The following TSPAN2 variants were observed in gnomAD, a reference collection of about 807,000 sequenced individuals.
The protein encoded by TSPAN2 is tetraspanin 2.
In TSPAN2, 24 loss-of-function variants were observed where a neutral mutation model predicts 33.3. The observed-to-expected ratio is 0.72, with a 90% confidence interval of 0.52 to 1.01. TSPAN2 has a LOEUF of 1.01. Among genes scored for constraint, TSPAN2 ranks in the 50% least tolerant of loss-of-function variants. The pLI is 0.00. For missense variants in TSPAN2, 278 were observed against 281.3 expected, an observed-to-expected ratio of 0.99 and a Z score of 0.08; for synonymous variants, 114 against 104.5, an observed-to-expected ratio of 1.09 and a Z score of -0.56.
intron 6 of TSPAN2, among the ~76,000 whole-genome samples, chr1:115,056,389 C>G (rs1385233741): frequency 3.3e-5 from 5 of 152,176 alleles, no homozygotes; most frequent in African/African-American, 1.2e-4. Flanking sequence ...TCCCTCACAG[C>G]ACGTCACCAG....
intron 4 of TSPAN2, among the ~76,000 whole-genome samples, 180 bp downstream of exon 4, chr1:115,060,284 T>G (rs981240890): frequency 3.9e-5 from 6 of 152,154 alleles, no homozygotes; most frequent in African/African-American, 1.4e-4. Flanking sequence ...AATGTGAGCA[T>G]GTATATATGC....
chr1:115,049,448 G>T lies in TSPAN2; in HGVS notation c.*1042C>A, dbSNP rs939181694. On this transcript the variant is annotated 3_prime_UTR_variant, in exon 8 of 8. Transcript: ENST00000369516. ...AAAACTGTAGTTCTTAATCTATGAA[G>T]AATTCTCTAGGTGGCTATACAAGAA... 3.3e-5 allele frequency: 5 copies of T among 152,608 alleles called. No homozygotes were observed. In the East Asian group the frequency reaches 9.6e-4, roughly 29 times the overall value. 9.5% of individuals were successfully genotyped at this position (152,608 alleles called of 1,614,324 possible). A position where few individuals can be genotyped will look rare whatever the true frequency, so the allele number is the denominator to read the frequency against.
intron 5 of TSPAN2, 104 bp from the exon 6 acceptor site, chr1:115,057,712 C>T (rs886225417): frequency 1.5e-5 from 15 of 997,520 alleles, no homozygotes; most frequent in African/African-American, 4.8e-5. Flanking sequence ...AAAGCAGCTC[C>T]GAGGCCCAGT....
rs566492520 is a variant in TSPAN2, at chr1:115,054,378, G to C, written c.517-916C>G. 2.6e-5 allele frequency among the ~76,000 whole-genome samples: 4 copies of C among 152,144 alleles called. No homozygotes were observed. The South Asian group carries it at 8.3e-4, about 32-fold the overall frequency. On this transcript the variant is annotated intron_variant, in intron 6 of 7. Coordinates refer to ENST00000369516, the MANE Select transcript of TSPAN2 (RefSeq NM_005725.6). ...TACCTTGCATTAGTCACTGGAAGAG[G>C]GGTGGTAGATGCAGAGACAATAGGA... is the stretch of plus-strand genomic sequence containing the variant.
chr1:115,069,454 G>A (rs761777557), intron 2 of TSPAN2, among the ~76,000 whole-genome samples: 1 of 152,166 alleles, frequency 6.6e-6, no homozygotes, highest in African/African-American at 2.4e-5. Context: ...GCATCTGTTG[G>A]AATGAAAAAA....
chr1:115,066,992 A>G (rs749187386), intron 2 of TSPAN2, among the ~76,000 whole-genome samples: 58 of 152,224 alleles, frequency 3.8e-4, no homozygotes, highest in Non-Finnish European at 1.0e-4. Context: ...CTCGATCTGT[A>G]ATAACAATAG....
rs117116415 is a variant in TSPAN2 at position 115,064,113 on chromosome 1, A to T, written c.173-1881T>A. On this transcript the variant is annotated intron_variant, in intron 2 of 7. Coordinates refer to ENST00000369516, the MANE Select transcript of TSPAN2 (RefSeq NM_005725.6). ...TGTTTTCAAAGCTCTCACTTCCATC[A>T]TCTTATTGGCTTCTCAAAACAACGT... Among the ~76,000 whole-genome samples the T allele has an allele frequency of 5.2e-3, 785 of 152,318 alleles. 14 individuals are homozygous for T. The highest frequency in any genetic ancestry group is 0.04 in the East Asian group (206 of 5,186).
At position 115,048,986 on chromosome 1, in the gene TSPAN2, G is replaced by T. The variant is rs921308903; in HGVS notation, c.*1504C>A. Reference sequence around the variant, plus strand: ...GCAAAATGTTTTGTGAGTTTTTTGGGAGTGTGACACTTTTAGTGCACACTC... The same window carrying T: ...GCAAAATGTTTTGTGAGTTTTTTGGTAGTGTGACACTTTTAGTGCACACTC... On this transcript the variant is annotated 3_prime_UTR_variant, in exon 8 of 8. Coordinates refer to ENST00000369516, the MANE Select transcript of TSPAN2 (RefSeq NM_005725.6). 12 of 151,970 alleles carry T rather than the reference G, an allele frequency of 7.9e-5. No homozygotes were observed. Among genetic ancestry groups the T allele is most frequent in the Non-Finnish European group, 1.8e-4 (12 of 67,914 alleles). The allele number at this position is 151,970 out of a possible 1,614,324, so 9.4% of individuals were successfully genotyped here.
chr1:115,053,022 C>G (rs917070986), intron 7 of TSPAN2, among the ~76,000 whole-genome samples: 2 of 152,106 alleles, frequency 1.3e-5, no homozygotes, highest in African/African-American at 2.4e-5. Flanking sequence ...CTCTTCAAAT[C>G]GTAGGTGAGA....
Position 115,072,797 on chromosome 1 carries a change from C to A in TSPAN2, c.172+108G>T, listed in dbSNP as rs966189416. On this transcript the variant is annotated intron_variant, in intron 2 of 7. Coordinates refer to ENST00000369516, the MANE Select transcript of TSPAN2 (RefSeq NM_005725.6). ...TGGCTCCTTTCAGCGTCTTTCCCTG[C>A]CTCTCTGCCCTCCCCCTCCCACCAA... is the stretch of plus-strand genomic sequence containing the variant. 1.4e-5 allele frequency: 13 copies of A among 941,572 alleles called. No individual in the cohort carries two copies. The Admixed American group carries it at 2.6e-4, about 19-fold the overall frequency. 58.3% of individuals were successfully genotyped at this position (941,572 alleles called of 1,614,324 possible). A position where few individuals can be genotyped will look rare whatever the true frequency, so the allele number is the denominator to read the frequency against.
intron 4 of TSPAN2, 23 bp from the exon 5 acceptor site, chr1:115,059,004 G>A: frequency 6.3e-7 from 1 of 1,577,832 alleles, no homozygotes; most frequent in Non-Finnish European, 8.7e-7. Context: ...AAGGAAAAAT[G>A]AAGGACTTCT....
intron 1 of TSPAN2, among the ~76,000 whole-genome samples, chr1:115,075,858 AT>A (rs142205029): frequency 0.018 from 2,634 of 148,424 alleles, 60 homozygotes; most frequent in African/African-American, 0.057. Flanking sequence ...GGAGGCTACC[AT>A]TTTTTTTTTA....
chr1:115,062,879 A>G (rs1179579331), intron 2 of TSPAN2, among the ~76,000 whole-genome samples: 2 of 152,058 alleles, frequency 1.3e-5, no homozygotes, highest in Admixed American at 1.3e-4. Context: ...TTGCGGGCAG[A>G]TCTGGCAGTT....
At chr1:115,054,763 G>A (rs1647329883) in intron 6 of TSPAN2, among the ~76,000 whole-genome samples, 1 of 152,106 alleles carries the variant, frequency 6.6e-6, no homozygotes. Context: ...GAGATGCGTG[G>A]ATCACCTAAG....
At position 115,055,341 on chromosome 1, in the gene TSPAN2, T is replaced by TA. The variant is rs397740294; in HGVS notation, c.517-1880dup. Among the ~76,000 whole-genome samples the TA allele has an allele frequency of 1.5e-3, 226 of 151,406 alleles. 1 individual carries two copies. Among genetic ancestry groups the TA allele is most frequent in the East Asian group, 0.012 (63 of 5,146 alleles). On this transcript the variant is annotated intron_variant, in intron 6 of 7. Coordinates refer to ENST00000369516, the MANE Select transcript of TSPAN2 (RefSeq NM_005725.6). ...TCTGGAAAAGAGATTTTTTTTTTTT[T>TA]AAAAAGAAATGTCTGTATTCTCACC... is the stretch of plus-strand genomic sequence containing the variant.
At chr1:115,071,837 T>C (rs1286357) in intron 2 of TSPAN2, among the ~76,000 whole-genome samples, 50,706 of 151,988 alleles carry the variant, frequency 0.33, 9,112 homozygotes, top group African/African-American at 0.44. Flanking sequence ...TAATAAGAGG[T>C]AGCACAGCTG....
intron 1 of TSPAN2, among the ~76,000 whole-genome samples, chr1:115,082,023 T>C (rs1481748379): frequency 6.6e-6 from 1 of 152,216 alleles, no homozygotes; most frequent in East Asian, 1.9e-4. Context: ...TAGATATATT[T>C]ATGAGTGAAA....
chr1:115,083,993 G>A (rs1052371542), intron 1 of TSPAN2, among the ~76,000 whole-genome samples: 4 of 152,134 alleles, frequency 2.6e-5, no homozygotes, highest in African/African-American at 9.7e-5. Context: ...CCCAGCACTT[G>A]GCAGGGAACG....
chr1:115,083,789 C>A (rs1648726755), intron 1 of TSPAN2, among the ~76,000 whole-genome samples: 1 of 152,182 alleles, frequency 6.6e-6, no homozygotes, highest in Admixed American at 6.5e-5. Context: ...CACACAACTA[C>A]CTTAGCTGGA....
Sources: gnomAD v4.1 joint callset for allele counts (sites outside exome capture counted in the v4.1 genomes callset) on GRCh38, gnomAD v4.1.1 for gene constraint, MANE v1.5 for transcripts, NCBI Gene and HGNC (gene_info 2026-07-23, HGNC 2026-07-21) for gene names.